CACNA1E: variants seen among roughly 807,000 people sequenced by gnomAD.
The protein encoded by CACNA1E is voltage-dependent R-type calcium channel subunit alpha-1E.
Under a neutral mutation model 259.2 loss-of-function variants are expected in CACNA1E, and 40 were observed. That is an observed-to-expected ratio of 0.15 (90% CI 0.12 to 0.20). CACNA1E has a LOEUF of 0.20. Ranked by LOEUF, CACNA1E falls within the 10% of genes least tolerant of loss-of-function variation. The pLI is 1.00. For missense variants in CACNA1E, 1,874 were observed against 3,040.1 expected, an observed-to-expected ratio of 0.62 and a Z score of 9.02; for synonymous variants, 1,104 against 1,138.5, an observed-to-expected ratio of 0.97 and a Z score of 0.61.
intron 2 of CACNA1E, among the ~76,000 whole-genome samples, chr1:181,463,827 T>G (rs953547553): frequency 6.6e-6 from 1 of 152,184 alleles, no homozygotes; most frequent in Non-Finnish European, 1.5e-5. Context: ...TATCTGCATT[T>G]TTTTGATGAT....
intron 1 of CACNA1E, among the ~76,000 whole-genome samples, chr1:181,357,238 C>T (rs1035104450): frequency 6.6e-6 from 1 of 152,220 alleles, no homozygotes; most frequent in Admixed American, 6.5e-5. Flanking sequence ...TCAGCTTCCT[C>T]CCCTCCAGCG....
rs548747659 is a variant in CACNA1E, at chr1:181,606,536, T to G, written c.951+25760T>G. On this transcript the variant is annotated intron_variant, in intron 6 of 47. Transcript: ENST00000367573. Reference sequence around the variant, plus strand: ...CTGATGACTGCAGCAGCCTCTTGACTGTCTTTCCAGCTTTCTTCCTTATTT... The same window carrying G: ...CTGATGACTGCAGCAGCCTCTTGACGGTCTTTCCAGCTTTCTTCCTTATTT... 1.2e-4 allele frequency among the ~76,000 whole-genome samples: 18 copies of G among 152,362 alleles called. No individual in the cohort carries two copies. In the South Asian group the frequency reaches 3.5e-3, roughly 30 times the overall value.
intron 7 of CACNA1E, among the ~76,000 whole-genome samples, chr1:181,706,413 T>G (rs1044403813): frequency 6.6e-6 from 1 of 152,192 alleles, no homozygotes. Context: ...ATGAGCCTGA[T>G]GGGCATGTTA....
chr1:181,686,275 GTTTTTTTT>G (rs66526388), intron 7 of CACNA1E, among the ~76,000 whole-genome samples: 190 of 58,672 alleles, frequency 3.2e-3, no homozygotes, highest in Non-Finnish European at 5.1e-3. Context: ...TAAGAACCAA[GTTTTTTTT>G]TTTTTTTTTT....
intron 7 of CACNA1E, among the ~76,000 whole-genome samples, chr1:181,690,335 A>G (rs1410483593): frequency 6.6e-6 from 1 of 152,092 alleles, no homozygotes; most frequent in African/African-American, 2.4e-5. Context: ...ATTGGTCTAT[A>G]TATCTGTTTT....
At chr1:181,487,529 C>T (rs1454614172) in intron 1 of CACNA1E, among the ~76,000 whole-genome samples, 1 of 152,224 alleles carries the variant, frequency 6.6e-6, no homozygotes, top group Non-Finnish European at 1.5e-5. Context: ...CTTTCCTCTG[C>T]AGTGGATACC....
chr1:181,517,495 CTT>C (rs1353724498), intron 3 of CACNA1E, among the ~76,000 whole-genome samples: 1 of 151,976 alleles, frequency 6.6e-6, no homozygotes, highest in Non-Finnish European at 1.5e-5. Flanking sequence ...TGGCACAACT[CTT>C]TTTTCTTTTT....
chr1:181,569,953 C>A (rs1650240494), intron 3 of CACNA1E, among the ~76,000 whole-genome samples: 1 of 152,136 alleles, frequency 6.6e-6, no homozygotes, highest in Non-Finnish European at 1.5e-5. Context: ...CATAGAGCAG[C>A]TCTCTGGATG....
chr1:181,703,738 A>G (rs937319721), intron 7 of CACNA1E, among the ~76,000 whole-genome samples: 3 of 152,050 alleles, frequency 2.0e-5, no homozygotes, highest in African/African-American at 4.8e-5. Flanking sequence ...GTCTGCCGCC[A>G]CCGCCCTAAT....
At chr1:181,779,524 C>T (rs1285058070) in intron 38 of CACNA1E, 1 of 453,556 alleles carries the variant, frequency 2.2e-6, no homozygotes, top group African/African-American at 2.0e-5. Flanking sequence ...ACTGCCCCTA[C>T]AGGGTGGCTT....
chr1:181,779,061 G>A (rs1276962332), intron 38 of CACNA1E, among the ~76,000 whole-genome samples: 1 of 152,222 alleles, frequency 6.6e-6, no homozygotes, highest in East Asian at 1.9e-4. Context: ...CTTCAAGGCA[G>A]CCTGACATCT....
intron 2 of CACNA1E, among the ~76,000 whole-genome samples, chr1:181,426,744 C>G (rs1659275731): frequency 6.7e-6 from 1 of 150,128 alleles, no homozygotes; most frequent in African/African-American, 2.5e-5. Flanking sequence ...CAACTCAGCC[C>G]CTTCCCGTCT....
intron 15 of CACNA1E, 69 bp from the exon 16 acceptor site, chr1:181,721,689 C>T (rs1040692570): frequency 1.1e-5 from 10 of 916,832 alleles, no homozygotes; most frequent in African/African-American, 3.3e-5. Flanking sequence ...CCAGAATTTG[C>T]CCTTGGCATT....
intron 25 of CACNA1E, among the ~76,000 whole-genome samples, chr1:181,740,606 C>A (rs1342926354): frequency 6.6e-6 from 1 of 151,962 alleles, no homozygotes. Flanking sequence ...TCTCCCAGAC[C>A]CTGGAACTGG....
intron 16 of CACNA1E, 140 bp from the exon 17 acceptor site, chr1:181,724,330 A>C: frequency 3.1e-6 from 2 of 644,530 alleles, no homozygotes; most frequent in Non-Finnish European, 5.6e-6. Context: ...CTCTGTTCTC[A>C]CAGCCCCTGC....
chr1:181,473,028 G>A (rs2102418806), intron 2 of CACNA1E, among the ~76,000 whole-genome samples: 1 of 152,202 alleles, frequency 6.6e-6, no homozygotes. Context: ...AGAAGTATTT[G>A]TGAAAAAAAA....
intron 5 of CACNA1E, 117 bp downstream of exon 5, chr1:181,579,341 G>C (rs1312801992): frequency 7.3e-6 from 6 of 820,726 alleles, no homozygotes; most frequent in Non-Finnish European, 1.1e-5. Context: ...CCTGGAATTA[G>C]AATCAGAAGC....
chr1:181,656,324 T>C (rs1396469390), intron 7 of CACNA1E, among the ~76,000 whole-genome samples: 1 of 152,106 alleles, frequency 6.6e-6, no homozygotes, highest in Non-Finnish European at 1.5e-5. Flanking sequence ...TGGAAGACAG[T>C]GATATTGATG....
intron 2 of CACNA1E, among the ~76,000 whole-genome samples, chr1:181,413,828 C>T (rs558605892): frequency 6.6e-6 from 1 of 152,360 alleles, no homozygotes; most frequent in Admixed American, 6.5e-5. Flanking sequence ...GTGAATCAGC[C>T]TTGCCCCCAA....
Sources: gnomAD v4.1 joint callset for allele counts (sites outside exome capture counted in the v4.1 genomes callset) on GRCh38, gnomAD v4.1.1 for gene constraint, MANE v1.5 for transcripts, NCBI Gene and HGNC (gene_info 2026-07-23, HGNC 2026-07-21) for gene names.